The following AP3B2 variants were observed in gnomAD, a reference collection of about 807,000 sequenced individuals.
AP3B2 encodes the protein adaptor related protein complex 3 subunit beta 2, also known as AP-3 complex subunit beta-2.
Under a neutral mutation model 126.9 loss-of-function variants are expected in AP3B2, and 50 were observed. The ratio of observed to expected loss-of-function variants is 0.39; its 90% CI spans 0.31 to 0.50. AP3B2 has a LOEUF of 0.50. Among genes scored for constraint, AP3B2 ranks in the 20% least tolerant of loss-of-function variants. AP3B2 has a pLI of 0.79. For missense variants in AP3B2, 1,177 were observed against 1,426.4 expected (o/e 0.83, Z 2.82); for synonymous variants, 541 against 565.0 (o/e 0.96, Z 0.60).
At chr15:82,700,003 C>T in intron 1 of AP3B2, 1 of 397,746 alleles carries the variant, frequency 2.5e-6, no homozygotes, top group East Asian at 3.6e-5. Context: ...GTTTCCTCTT[C>T]ACTGCTCAGA....
At position 82,689,178 on chromosome 15, in the gene AP3B2, C is replaced by T; in HGVS notation, c.244G>A (p.Val82Met). The change falls in exon 3 of 27, where the codon GTG (valine) becomes ATG (methionine). Residue 82 changes from valine (V) to methionine (M), a missense_variant. Val to Met is a conservative substitution (Grantham distance 21, BLOSUM62 1). Transcript: ENST00000535359. The part of the protein sequence containing the change: ...SDLFPAVVKN[V>M]ACKNIEVKKL... ...CTCACCTCTATGTTCTTACAGGCCA[C>T]GTTCTTCACCACCGCGGGAAACAGG... The T allele has an allele frequency of 6.2e-7, 1 of 1,613,982 alleles. No individual in the cohort carries two copies. The highest frequency in any genetic ancestry group is 8.5e-7 in the Non-Finnish European group (1 of 1,179,890).
chr15:82,697,356 AT>A (rs2048645419), intron 1 of AP3B2, among the ~76,000 whole-genome samples: 1 of 152,160 alleles, frequency 6.6e-6, no homozygotes, highest in South Asian at 2.1e-4. Context: ...TAAAAAAAAA[AT>A]CAATGTGTGC....
intron 4 of AP3B2, 39 bp downstream of exon 4, chr15:82,688,697 C>T (rs772723130): frequency 1.5e-5 from 23 of 1,554,316 alleles, no homozygotes; most frequent in Non-Finnish European, 1.9e-5. Flanking sequence ...ACAGCGCCAA[C>T]GAGGCCCAGG....
intron 25 of AP3B2, among the ~76,000 whole-genome samples, 198 bp from the exon 26 acceptor site, chr15:82,660,181 C>T (rs2047915406): frequency 6.6e-6 from 1 of 152,136 alleles, no homozygotes; most frequent in Non-Finnish European, 1.5e-5. Flanking sequence ...CTTTGTCAGC[C>T]TCTCTACCCC....
intron 1 of AP3B2, among the ~76,000 whole-genome samples, chr15:82,697,317 G>C (rs1159868361): frequency 1.3e-5 from 2 of 152,060 alleles, no homozygotes; most frequent in East Asian, 3.9e-4. Context: ...CTGGGCAACA[G>C]AACGAGACTC....
intron 25 of AP3B2, 94 bp downstream of exon 25, chr15:82,661,731 T>A: frequency 9.4e-7 from 1 of 1,059,116 alleles, no homozygotes; most frequent in South Asian, 1.4e-5. Context: ...CTGGTCTAGA[T>A]GAAGGACACC....
Position 82,680,635 on chromosome 15 carries a change from T to C in AP3B2, c.892A>G (p.Met298Val), listed in dbSNP as rs544493596. The change falls in exon 8 of 27, where the codon ATG becomes GTG. Residue 298 changes from methionine to valine, a missense_variant. By Grantham distance (21) the Met-to-Val change is conservative (BLOSUM62 1). Coordinates refer to ENST00000535359, the MANE Select transcript of AP3B2 (RefSeq NM_001278512.2). This position sits in a 1 kb window ranked among gnomAD's most constrained non-coding sequence, Gnocchi z 6.1. ...AAAPSRKPYV[M>V]DPDHRLLLRN... ...AGCAGCAGCCGGTGGTCGGGGTCCA[T>C]GACATAGGGCTTTCGGGAGGGGGCG... 1.9e-6 allele frequency: 3 copies of C among 1,595,664 alleles called. No homozygotes were observed. Among genetic ancestry groups the C allele is most frequent in the East Asian group, 2.2e-5 (1 of 44,660 alleles).
rs907728995 is a variant in AP3B2, at chr15:82,661,871, C to A, written c.2970G>T (p.Leu990=). The change falls in exon 25 of 27, where the codon CTG becomes CTT. Residue 990 remains leucine (L), a synonymous_variant. Coordinates refer to ENST00000535359, the MANE Select transcript of AP3B2 (RefSeq NM_001278512.2). ...TTTCACTCATGAACACAGGGGCCATCAGCTCCCCAACAGGTGGCTGAATGG... is the reference window on the plus strand; with the variant it reads ...TTTCACTCATGAACACAGGGGCCATAAGCTCCCCAACAGGTGGCTGAATGG... ...YVSIQPPVGE[L]MAPVFMSENE... 1.2e-6 allele frequency: 2 copies of A among 1,613,900 alleles called. No homozygotes were observed. Among genetic ancestry groups the A allele is most frequent in the African/African-American group, 1.3e-5 (1 of 75,042 alleles).
In AP3B2 at chr15:82,664,709, G is replaced by T; in HGVS notation, c.2137+126C>A. 1.1e-6 allele frequency: 1 copy of T among 914,576 alleles called. No homozygotes were observed. The highest frequency in any genetic ancestry group is 1.7e-6 in the Non-Finnish European group (1 of 603,438). 56.7% of individuals were successfully genotyped at this position (914,576 alleles called of 1,614,324 possible). On this transcript the variant is annotated intron_variant, in intron 18 of 26. Transcript: ENST00000535359. This position sits in a 1 kb window ranked among gnomAD's most constrained non-coding sequence, Gnocchi z 4.5. ...CACCTGGAACATGAATCCCTCAGGTGCACAAACAATTCACAAGCAGGTGCA... is the reference window on the plus strand; with the variant it reads ...CACCTGGAACATGAATCCCTCAGGTTCACAAACAATTCACAAGCAGGTGCA...
rs576956432 is a variant in AP3B2, at chr15:82,685,855, A to G, written c.360+2881T>C. On this transcript the variant is annotated intron_variant, in intron 4 of 26. Coordinates refer to ENST00000535359, the MANE Select transcript of AP3B2 (RefSeq NM_001278512.2). The stretch of plus-strand genomic sequence containing the variant: ...TAAGAGCAGAATTCACATCTGTTTT[A>G]TCTCTGTGTCACCCACAACCCTTTG... 2.0e-5 allele frequency: 3 copies of G among 152,286 alleles called. No homozygotes were observed. The East Asian group carries it at 5.8e-4, about 29-fold the overall frequency. The allele number at this position is 152,286 out of a possible 1,614,324, so 9.4% of individuals were successfully genotyped here.
chr15:82,670,069 CAAAAAAA>C (rs779045948), intron 14 of AP3B2, among the ~76,000 whole-genome samples: 27 of 36,426 alleles, frequency 7.4e-4, no homozygotes, highest in African/African-American at 3.0e-3. Context: ...ACTCCGTCTC[CAAAAAAA>C]AAAAAAAAAA....
In AP3B2 at chr15:82,709,779, G is replaced by GCGGGC; in HGVS notation, c.-78_-74dup. ...GCCGGCTGGAGCGGAGGAAGGGAAG[G>GCGGGC]CGGGCCGGTCCGGTCCGGGCTGGCG... is the stretch of plus-strand genomic sequence containing the variant. On this transcript the variant is annotated 5_prime_UTR_variant, in exon 1 of 27. Coordinates refer to ENST00000535359, the MANE Select transcript of AP3B2 (RefSeq NM_001278512.2). 1 of 1,277,886 alleles carries GCGGGC rather than the reference G, an allele frequency of 7.8e-7. No homozygotes were observed. The highest frequency in any genetic ancestry group is 1.0e-6 in the Non-Finnish European group (1 of 967,178). 79.2% of individuals were successfully genotyped at this position (1,277,886 alleles called of 1,614,324 possible).
intron 4 of AP3B2, chr15:82,688,247 AG>A (rs1290227878): frequency 3.4e-6 from 2 of 588,474 alleles, no homozygotes; most frequent in Non-Finnish European, 3.0e-6. Context: ...AAAAGCCCTT[AG>A]GGGGGAGACT....
chr15:82,709,614 G>T lies in AP3B2; in HGVS notation c.93C>A (p.Ile31=), dbSNP rs200226421. The T allele has an allele frequency of 1.3e-6, 2 of 1,513,402 alleles. No individual in the cohort carries two copies. Among genetic ancestry groups the T allele is most frequent in the South Asian group, 2.5e-5 (2 of 81,020 alleles). The allele number at this position is 1,513,402 out of a possible 1,614,324, so 93.7% of individuals were successfully genotyped here. A position where few individuals can be genotyped will look rare whatever the true frequency, so the allele number is the denominator to read the frequency against. The stretch of plus-strand genomic sequence containing the variant: ...CTCACCGCTTGTAGTCGGAGGAGAA[G>T]ATGCCGCCGCTCGCGGGGTCGTGGC... The part of the protein sequence containing the change: ...EYGHDPASGG[I]FSSDYKRHDD... Residue 31 remains isoleucine (I), a synonymous_variant, in exon 1 of 27, where the codon ATC becomes ATA. Coordinates refer to ENST00000535359, the MANE Select transcript of AP3B2 (RefSeq NM_001278512.2).
intron 1 of AP3B2, chr15:82,692,869 C>A (rs2048565235): frequency 6.6e-6 from 1 of 151,326 alleles, no homozygotes; most frequent in Non-Finnish European, 1.5e-5. Flanking sequence ...AGCCAATACA[C>A]AGGTTTCTTT....
intron 20 of AP3B2, 28 bp downstream of exon 20, chr15:82,663,773 C>T: frequency 6.2e-7 from 1 of 1,604,802 alleles, no homozygotes; most frequent in South Asian, 1.1e-5. Context: ...CCCATGAGCA[C>T]ACCCTGACTC....
At chr15:82,698,579 G>C (rs2048667084) in intron 1 of AP3B2, among the ~76,000 whole-genome samples, 1 of 152,118 alleles carries the variant, frequency 6.6e-6, no homozygotes, top group African/African-American at 2.4e-5. Flanking sequence ...AAAATGGTCA[G>C]TGGACTCCTA....
rs142391310 is a variant in AP3B2 at position 82,662,137 on chromosome 15, C to T, written c.2918+31G>A. 20 of 1,562,718 alleles carry T rather than the reference C, an allele frequency of 1.3e-5. No individual in the cohort carries two copies. In the African/African-American group the frequency reaches 2.4e-4, roughly 19 times the overall value. On this transcript the variant is annotated intron_variant, in intron 24 of 26. Coordinates refer to ENST00000535359, the MANE Select transcript of AP3B2 (RefSeq NM_001278512.2). ...TTACCCTGTCCCTTTCCAGCCCATC[C>T]TCTCACCCCCACCTCGAGTTGGGCA...
At chr15:82,709,456 GA>G in intron 1 of AP3B2, 137 bp downstream of exon 1, 1 of 382,872 alleles carries the variant, frequency 2.6e-6, no homozygotes, top group Non-Finnish European at 3.6e-6. Context: ...CAGGCCGCAG[GA>G]GGGGGCCGGG....
Sources: gnomAD v4.1 joint callset for allele counts (sites outside exome capture counted in the v4.1 genomes callset) on GRCh38, gnomAD v4.1.1 for gene constraint, Gnocchi (gnomAD v3.1) non-coding constraint, MANE v1.5 for transcripts, NCBI Gene and HGNC (gene_info 2026-07-23, HGNC 2026-07-21) for gene names.